The following PTPRG variants were observed in gnomAD, a reference collection of about 807,000 sequenced individuals.
PTPRG encodes protein tyrosine phosphatase receptor type G.
In PTPRG, 102 loss-of-function variants were observed where a neutral mutation model predicts 165.3. That is an observed-to-expected ratio of 0.62 (90% CI 0.53 to 0.73). The LOEUF is 0.73. PTPRG is among the 30% of genes least tolerant of loss of function. PTPRG has a pLI of 0.00. For missense variants in PTPRG, 1,866 were observed against 1,861.4 expected, an observed-to-expected ratio of 1.00 and a Z score of -0.05; for synonymous variants, 675 against 669.5, an observed-to-expected ratio of 1.01 and a Z score of -0.13.
intron 4 of PTPRG, among the ~76,000 whole-genome samples, chr3:62,070,991 T>A (rs1298057388): frequency 6.6e-6 from 1 of 152,198 alleles, no homozygotes; most frequent in East Asian, 1.9e-4. Context: ...AGTTCTGTTG[T>A]CTGCTGCCTC....
At chr3:61,750,943 G>A (rs547459054) in intron 2 of PTPRG, 2 of 152,332 alleles carry the variant, frequency 1.3e-5, no homozygotes, top group East Asian at 3.9e-4. Context: ...AATCAGATAG[G>A]AGAGTCATTT....
chr3:61,910,786 C>G (rs765422569), intron 2 of PTPRG, among the ~76,000 whole-genome samples: 2 of 152,156 alleles, frequency 1.3e-5, no homozygotes, highest in Non-Finnish European at 2.9e-5. Context: ...TTCGGTGCAG[C>G]CAGGAGGAAA....
intron 1 of PTPRG, among the ~76,000 whole-genome samples, chr3:61,570,260 CTTT>C (rs11306926): frequency 6.8e-6 from 1 of 147,218 alleles, no homozygotes. Flanking sequence ...CTAATCTTTT[CTTT>C]TTTTTTTTTG....
chr3:61,738,119 C>G (rs533039706), intron 1 of PTPRG, among the ~76,000 whole-genome samples: 3 of 149,480 alleles, frequency 2.0e-5, no homozygotes, highest in African/African-American at 7.3e-5. Context: ...ACCGTGGTCT[C>G]GATCTCCTGA....
chr3:62,013,366 T>G (rs1029378226), intron 4 of PTPRG, among the ~76,000 whole-genome samples: 7 of 152,140 alleles, frequency 4.6e-5, no homozygotes, highest in Non-Finnish European at 1.0e-4. Context: ...AACAAATTCT[T>G]TAGGAGGTGT....
chr3:61,962,496 G>A (rs554618301), intron 2 of PTPRG, among the ~76,000 whole-genome samples: 26 of 152,258 alleles, frequency 1.7e-4, no homozygotes, highest in South Asian at 1.0e-3. Flanking sequence ...TAAGTGTGGC[G>A]TGTATAGGAA....
intron 4 of PTPRG, among the ~76,000 whole-genome samples, chr3:62,052,919 A>G (rs1700509541): frequency 1.3e-5 from 2 of 152,220 alleles, no homozygotes; most frequent in South Asian, 2.1e-4. Flanking sequence ...TGTCAGATAC[A>G]TATGCATATC....
chr3:62,098,582 G>T (rs1702190316), intron 5 of PTPRG, among the ~76,000 whole-genome samples: 1 of 152,058 alleles, frequency 6.6e-6, no homozygotes, highest in African/African-American at 2.4e-5. Context: ...AGAGTTGGGG[G>T]AAAAGATCAG....
Position 62,058,180 on chromosome 3 carries a change from T to C in PTPRG, c.520-19983T>C, listed in dbSNP as rs144203579. Reference sequence around the variant, plus strand: ...ACAATTCAGAAAGCAGGACGGAAAATTGTGTGTACCTAGCCCAAGCTATCT... The same window carrying C: ...ACAATTCAGAAAGCAGGACGGAAAACTGTGTGTACCTAGCCCAAGCTATCT... On this transcript the variant is annotated intron_variant, in intron 4 of 29. Coordinates refer to ENST00000474889, the MANE Select transcript of PTPRG (RefSeq NM_002841.4). 8.1e-4 allele frequency among the ~76,000 whole-genome samples: 123 copies of C among 152,248 alleles called. No homozygotes were observed. The East Asian group carries it at 0.018, about 22-fold the overall frequency.
intron 2 of PTPRG, among the ~76,000 whole-genome samples, chr3:61,982,715 A>C (rs557845414): frequency 4.5e-4 from 68 of 152,270 alleles, no homozygotes; most frequent in Non-Finnish European, 7.9e-4. Flanking sequence ...AACAGGCTCC[A>C]GAGAAGCTTT....
rs551871795 is a variant in PTPRG at position 61,742,545 on chromosome 3, G to C, written c.86-6333G>C. 3.7e-5 allele frequency: 59 copies of C among 1,594,748 alleles called. No individual in the cohort carries two copies. The African/African-American group carries it at 7.6e-4, about 21-fold the overall frequency. On this transcript the variant is annotated intron_variant, in intron 1 of 29. Coordinates refer to ENST00000474889, the MANE Select transcript of PTPRG (RefSeq NM_002841.4). ...TTTTCTTGAGCAATGACACCAAGAA[G>C]TTGACAGCCAGGTGAATGTTATACA... is the stretch of plus-strand genomic sequence containing the variant.
At chr3:62,154,358 C>G (rs1190456060) in intron 6 of PTPRG, among the ~76,000 whole-genome samples, 1 of 152,200 alleles carries the variant, frequency 6.6e-6, no homozygotes, top group East Asian at 1.9e-4. Context: ...CACCTCGCCA[C>G]CGATCTGACT....
At chr3:61,587,732 C>T (rs1700467777) in intron 1 of PTPRG, among the ~76,000 whole-genome samples, 1 of 152,160 alleles carries the variant, frequency 6.6e-6, no homozygotes, top group South Asian at 2.1e-4. Flanking sequence ...TCATAGCTCA[C>T]TGCAGCCTCA....
At chr3:61,973,093 A>G (rs1197687286) in intron 2 of PTPRG, among the ~76,000 whole-genome samples, 2 of 152,230 alleles carry the variant, frequency 1.3e-5, no homozygotes, top group Non-Finnish European at 2.9e-5. Context: ...CCCCTTAAAA[A>G]GTAGTCCTGC....
chr3:61,701,238 T>G (rs551056493), intron 1 of PTPRG, among the ~76,000 whole-genome samples: 3 of 152,322 alleles, frequency 2.0e-5, no homozygotes, highest in East Asian at 3.9e-4. Flanking sequence ...CTGTGTTTCC[T>G]CATGGTCTTG....
intron 8 of PTPRG, among the ~76,000 whole-genome samples, chr3:62,186,309 A>G (rs2106790310): frequency 6.6e-6 from 1 of 152,236 alleles, no homozygotes; most frequent in East Asian, 1.9e-4. Context: ...TCAATGGAGG[A>G]CGCTCAAAAC....
rs1488113509 is a variant in PTPRG at position 62,271,975 on chromosome 3, G to A, written c.3182+420G>A. 1.3e-5 allele frequency among the ~76,000 whole-genome samples: 2 copies of A among 151,924 alleles called. No individual in the cohort carries two copies. Among genetic ancestry groups the A allele is most frequent in the African/African-American group, 2.4e-5 (1 of 41,370 alleles). ...GCCAGCATGGTGGCACATGCCTGTG[G>A]TCCCAGCTACATGGGAGGCTGAGAC... On this transcript the variant is annotated intron_variant, in intron 21 of 29. Transcript: ENST00000474889. The surrounding 1 kb of genome is among the most constrained non-coding windows in gnomAD (Gnocchi z 4.1).
chr3:61,601,426 G>C (rs909297589), intron 1 of PTPRG, among the ~76,000 whole-genome samples: 1 of 152,226 alleles, frequency 6.6e-6, no homozygotes, highest in African/African-American at 2.4e-5. Flanking sequence ...TCTGCTATTT[G>C]ATGTGAGTTT....
intron 4 of PTPRG, among the ~76,000 whole-genome samples, chr3:62,034,397 G>T (rs925040850): frequency 1.3e-5 from 2 of 152,174 alleles, no homozygotes; most frequent in Non-Finnish European, 2.9e-5. Context: ...AAAGAGGTGA[G>T]GCTACCAGCC....
Sources: allele counts gnomAD v4.1 joint callset (sites outside exome capture counted in the v4.1 genomes callset), GRCh38; gene constraint gnomAD v4.1.1; non-coding constraint Gnocchi (gnomAD v3.1); transcripts MANE v1.5; gene names NCBI Gene and HGNC (gene_info 2026-07-23, HGNC 2026-07-21).